CNGB1: variants seen among roughly 807,000 people sequenced by gnomAD.
The protein encoded by CNGB1 is cyclic nucleotide-gated channel beta-1.
In CNGB1, 126 loss-of-function variants were observed where a neutral mutation model predicts 151.7. That is an observed-to-expected ratio of 0.83 (90% CI 0.72 to 0.96). The LOEUF (loss-of-function observed/expected upper bound fraction) is 0.96, where lower values mean the gene tolerates loss of function less well. CNGB1 is among the 40% of genes least tolerant of loss of function. The pLI is 0.00. For synonymous variants in CNGB1, 623 were observed against 635.1 expected, an observed-to-expected ratio of 0.98 and a Z score of 0.29; for missense variants, 1,698 against 1,627.0, an observed-to-expected ratio of 1.04 and a Z score of -0.75.
rs761624038 is a variant in CNGB1 at position 57,958,400 on chromosome 16, C to T, written c.837+10G>A. Reference sequence around the variant, plus strand: ...CACCAGGGCCACCACTCCATGAGCCCAGCACTGACCTGTTCCCCTATTTTC... The same window carrying T: ...CACCAGGGCCACCACTCCATGAGCCTAGCACTGACCTGTTCCCCTATTTTC... On this transcript the variant is annotated intron_variant, in intron 11 of 32. Coordinates refer to ENST00000251102, the MANE Select transcript of CNGB1 (RefSeq NM_001297.5). The T allele has an allele frequency of 2.6e-6, 4 of 1,547,744 alleles. No individual in the cohort carries two copies. Among genetic ancestry groups the T allele is most frequent in the Admixed American group, 3.5e-5 (2 of 56,390 alleles).
At chr16:57,939,712 C>T in intron 15 of CNGB1, 120 bp from the exon 16 acceptor site, 2 of 1,390,520 alleles carry the variant, frequency 1.4e-6, no homozygotes, top group Non-Finnish European at 2.0e-6. Flanking sequence ...TCTTGCCCTG[C>T]CCAGCCAGTC....
Position 57,903,903 on chromosome 16 carries a change from T to C in CNGB1, c.2713A>G (p.Asn905Asp). Residue 905 changes from asparagine to aspartate, a missense_variant, in exon 27 of 33, where the codon AAT becomes GAT. Transcript: ENST00000251102. ...ACGGACTTGGGGATCTTGTAGAAATTCATGTACTTCACCGTGCTGTCCATG... is the reference window on the plus strand; with the variant it reads ...ACGGACTTGGGGATCTTGTAGAAATCCATGTACTTCACCGTGCTGTCCATG... Reference protein sequence around the residue: ...SCMDSTVKYMNFYKIPKSVQN... With the variant: ...SCMDSTVKYMDFYKIPKSVQN... 6.2e-7 allele frequency: 1 copy of C among 1,614,162 alleles called. No individual in the cohort carries two copies. The highest frequency in any genetic ancestry group is 1.1e-5 in the South Asian group (1 of 91,082).
chr16:57,916,063 AG>A, intron 22 of CNGB1, 65 bp downstream of exon 22: 1 of 1,471,706 alleles, frequency 6.8e-7, no homozygotes, highest in Middle Eastern at 1.8e-4. Flanking sequence ...CCAGGCACCC[AG>A]GGCCCTCTGA....
intron 1 of CNGB1, among the ~76,000 whole-genome samples, chr16:57,967,722 C>T (rs1962436930): frequency 6.6e-6 from 1 of 151,764 alleles, no homozygotes; most frequent in Non-Finnish European, 1.5e-5. Flanking sequence ...TATACACATA[C>T]ATATATATAT....
chr16:57,904,830 G>T lies in CNGB1; in HGVS notation c.2538C>A (p.Ile846=), dbSNP rs777592241. 1.1e-5 allele frequency: 18 copies of T among 1,614,186 alleles called. No homozygotes were observed. The highest frequency in any genetic ancestry group is 1.2e-5 in the Non-Finnish European group (14 of 1,180,036). Residue 846 remains isoleucine, a synonymous_variant, in exon 26 of 33, where the codon ATC becomes ATA. Coordinates refer to ENST00000251102, the MANE Select transcript of CNGB1 (RefSeq NM_001297.5). ...YYFAVKTLIT[I]GGLPDPKTLF... is the part of the protein sequence containing the mutation. The stretch of plus-strand genomic sequence containing the variant: ...GTGTCTTGGGGTCAGGCAGCCCCCC[G>T]ATGGTGATGAGGGTCTTCACAGCAA...
Position 57,951,194 on chromosome 16 carries a change from G to C in CNGB1, c.875-654C>G, listed in dbSNP as rs116787302. 3.0e-3 allele frequency among the ~76,000 whole-genome samples: 460 copies of C among 152,280 alleles called. 2 individuals are homozygous for C. The highest frequency in any genetic ancestry group is 0.011 in the African/African-American group (438 of 41,562). On this transcript the variant is annotated intron_variant, in intron 12 of 32. Coordinates refer to ENST00000251102, the MANE Select transcript of CNGB1 (RefSeq NM_001297.5). ...CAACAAAAACACCCTGGGCCTATAAGCCTGGCAGATGCTCAAAGGGAGTGC... is the reference window on the plus strand; with the variant it reads ...CAACAAAAACACCCTGGGCCTATAACCCTGGCAGATGCTCAAAGGGAGTGC...
At chr16:57,912,779 G>A (rs1383840338) in intron 24 of CNGB1, 151 bp downstream of exon 24, 22 of 758,526 alleles carry the variant, frequency 2.9e-5, no homozygotes, top group Admixed American at 2.5e-4. Flanking sequence ...TGAATGTTGT[G>A]TGTGCATGTA....
chr16:57,911,874 C>T lies in CNGB1; in HGVS notation c.2371G>A (p.Val791Ile). Residue 791 changes from valine (V) to isoleucine (I), a missense_variant and splice_region_variant, in exon 25 of 33, where the codon GTC becomes ATC. Transcript: ENST00000251102. ...SILSKAYVYRVIRTTAYLLYS... is the reference protein window; with the variant it reads ...SILSKAYVYRIIRTTAYLLYS... ...AGAAGGTAGGCTGTGGTCCTGATGA[C>T]CCTGCAGAAGGAACACAGCGCATGA... The T allele has an allele frequency of 6.2e-7, 1 of 1,613,432 alleles. No individual in the cohort carries two copies. The highest frequency in any genetic ancestry group is 8.5e-7 in the Non-Finnish European group (1 of 1,179,600).
At chr16:57,920,167 C>T (rs1290182941) in intron 19 of CNGB1, among the ~76,000 whole-genome samples, 2 of 152,166 alleles carry the variant, frequency 1.3e-5, no homozygotes, top group Non-Finnish European at 2.9e-5. Context: ...GAGAGAGGGC[C>T]GAGTGCAAGT....
chr16:57,906,946 G>A lies in CNGB1; in HGVS notation c.2493-2071C>T, dbSNP rs909204895. ...CAGGGCCTAGCATTTGTAGGAGCTC[G>A]GGACCCTGAGCCCCTGGCACACAGC... On this transcript the variant is annotated intron_variant, in intron 25 of 32. Coordinates refer to ENST00000251102, the MANE Select transcript of CNGB1 (RefSeq NM_001297.5). Among the ~76,000 whole-genome samples the A allele has an allele frequency of 7.9e-5, 12 of 152,148 alleles. No individual in the cohort carries two copies. In the East Asian group the frequency reaches 2.3e-3, roughly 29 times the overall value.
At chr16:57,955,487 C>T (rs537028306) in intron 12 of CNGB1, 3 of 843,686 alleles carry the variant, frequency 3.6e-6, no homozygotes, top group African/African-American at 3.3e-5. Flanking sequence ...TATCCCCCAG[C>T]CTCTCAGAGT....
At chr16:57,912,045 G>A (rs1312523076) in intron 24 of CNGB1, 170 bp from the exon 25 acceptor site, 4 of 810,668 alleles carry the variant, frequency 4.9e-6, no homozygotes, top group Non-Finnish European at 5.9e-6. Context: ...ATGACCTGGG[G>A]CTAGGATTGG....
chr16:57,912,857 G>C lies in CNGB1; in HGVS notation c.2369+73C>G, dbSNP rs1960765244. ...TGTGTGTGTGTCATCTGTGTTGTGT[G>C]TGTATTGCGTGTGTTGTGTGTTTGT... On this transcript the variant is annotated intron_variant, in intron 24 of 32. Transcript: ENST00000251102. 3 of 1,425,874 alleles carry C rather than the reference G, an allele frequency of 2.1e-6. No homozygotes were observed. In the South Asian group the frequency reaches 3.4e-5, roughly 16 times the overall value. The allele number at this position is 1,425,874 out of a possible 1,614,324, so 88.3% of individuals were successfully genotyped here. A position where few individuals can be genotyped will look rare whatever the true frequency, so the allele number is the denominator to read the frequency against.
intron 17 of CNGB1, 72 bp downstream of exon 17, chr16:57,931,644 C>G (rs1393859082): frequency 6.4e-7 from 1 of 1,550,514 alleles, no homozygotes; most frequent in South Asian, 1.2e-5. Flanking sequence ...CCTCTGGCCT[C>G]AGTCTCTTCA....
At chr16:57,936,047 G>A (rs58528218) in intron 16 of CNGB1, among the ~76,000 whole-genome samples, 7,660 of 152,206 alleles carry the variant, frequency 0.05, 567 homozygotes, top group African/African-American at 0.17. Context: ...AATCAAAAGG[G>A]CAAGCAGGCA....
intron 25 of CNGB1, among the ~76,000 whole-genome samples, chr16:57,908,308 C>A (rs1960612007): frequency 6.6e-6 from 1 of 152,250 alleles, no homozygotes; most frequent in Non-Finnish European, 1.5e-5. Context: ...ACGTTCTGAA[C>A]AATTAACCAC....
At chr16:57,955,432 G>A in intron 12 of CNGB1, 1 of 1,329,780 alleles carries the variant, frequency 7.5e-7, no homozygotes. Context: ...GAGTGAGTGA[G>A]TGAGTGAGTG....
rs540480084 is a variant in CNGB1, at chr16:57,899,327, A to T, written c.2977-1413T>A. 4.0e-3 allele frequency among the ~76,000 whole-genome samples: 605 copies of T among 150,614 alleles called. 1 individual carries two copies. The highest frequency in any genetic ancestry group is 6.9e-3 in the Admixed American group (104 of 15,166). ...AGGGGAAGAGGAGGTCTACAGAAAAAAAAAATAATAATAATAATAATTAAA... is the reference window on the plus strand; with the variant it reads ...AGGGGAAGAGGAGGTCTACAGAAAATAAAAATAATAATAATAATAATTAAA... On this transcript the variant is annotated intron_variant, in intron 29 of 32. Transcript: ENST00000251102.
intron 17 of CNGB1, among the ~76,000 whole-genome samples, chr16:57,930,067 A>G (rs2149371136): frequency 6.6e-6 from 1 of 152,366 alleles, no homozygotes; most frequent in East Asian, 1.9e-4. Flanking sequence ...ATGATCCAGC[A>G]GTCCCTGTTC....
Sources: allele counts gnomAD v4.1 joint callset (sites outside exome capture counted in the v4.1 genomes callset), GRCh38; gene constraint gnomAD v4.1.1; transcripts MANE v1.5; gene names NCBI Gene and HGNC (gene_info 2026-07-23, HGNC 2026-07-21).